Variants in IL1RAP observed in about 807,000 individuals in gnomAD.
IL1RAP encodes the protein interleukin-1 receptor accessory protein.
In IL1RAP, 35 loss-of-function variants were observed where a neutral mutation model predicts 60.7. The observed-to-expected ratio is 0.58, with a 90% CI of 0.44 to 0.76. The LOEUF (loss-of-function observed/expected upper bound fraction) is 0.76. IL1RAP is among the 30% of genes least tolerant of loss of function. IL1RAP has a pLI of 0.00. For synonymous variants in IL1RAP, 268 were observed against 250.9 expected (o/e 1.07, Z -0.64); for missense variants, 572 against 693.9 (o/e 0.82, Z 1.97).
exon 12 of IL1RAP, chr3:190,658,542 TAAG>T (rs1734686733): frequency 6.6e-6 from 1 of 152,084 alleles, no homozygotes; most frequent in Non-Finnish European, 1.5e-5. Context: ...TGTCAGAAAA[TAAG>T]AAGAACGAAG....
chr3:190,522,453 A>G (rs1560136085), intron 1 of IL1RAP, among the ~76,000 whole-genome samples: 1 of 148,344 alleles, frequency 6.7e-6, no homozygotes, highest in Admixed American at 6.7e-5. Context: ...CTATCTATCT[A>G]TCTATCTATC....
chr3:190,522,329 CCTTCCTTCCTT>C (rs57601056), intron 1 of IL1RAP, among the ~76,000 whole-genome samples: 65 of 144,898 alleles, frequency 4.5e-4, no homozygotes, highest in African/African-American at 1.7e-3. Flanking sequence ...TTCCTTCCTT[CCTTCCTTCCTT>C]CCTCCCTCCC....
intron 9 of IL1RAP, among the ~76,000 whole-genome samples, chr3:190,634,455 T>A (rs1287446663): frequency 1.3e-5 from 2 of 148,868 alleles, no homozygotes; most frequent in African/African-American, 4.9e-5. Context: ...TACCAGCGAA[T>A]TTTTTTTTTC....
At chr3:190,627,832 G>T (rs901566108) in intron 8 of IL1RAP, among the ~76,000 whole-genome samples, 1 of 152,120 alleles carries the variant, frequency 6.6e-6, no homozygotes, top group East Asian at 1.9e-4. Flanking sequence ...TTGTGGGTAC[G>T]TGGAAACCTA....
rs557799977 is a variant in IL1RAP at position 190,599,758 on chromosome 3, A to G, written c.65-4370A>G. ...AGAGTTCTCTTATTGAGTGATTGAG[A>G]TTCCTGAAGTGGGCTTCTAACTTTC... On this transcript the variant is annotated intron_variant, in intron 3 of 11. Transcript: ENST00000447382. Among the ~76,000 whole-genome samples, 8 of 144,526 alleles carry G rather than the reference A, an allele frequency of 5.5e-5. No individual in the cohort carries two copies. The East Asian group carries it at 1.6e-3, about 29-fold the overall frequency. 94.8% of individuals were successfully genotyped at this position (144,526 alleles called of 152,430 possible).
In IL1RAP at chr3:190,608,981, A is replaced by G; in HGVS notation, c.351-14A>G. The G allele has an allele frequency of 6.2e-7, 1 of 1,606,048 alleles. No homozygotes were observed. The highest frequency in any genetic ancestry group is 2.2e-5 in the East Asian group (1 of 44,716). On this transcript the variant is annotated splice_polypyrimidine_tract_variant and intron_variant, in intron 4 of 11. Transcript: ENST00000447382. The stretch of plus-strand genomic sequence containing the variant: ...TGCAAATACTACCCATTCATTGTAT[A>G]TTTCTTTTTTCAGGAACACTACATA...
downstream of IL1RAP, among the ~76,000 whole-genome samples, chr3:190,655,114 G>A (rs1436311467): frequency 2.0e-5 from 3 of 152,110 alleles, no homozygotes; most frequent in African/African-American, 4.8e-5. Context: ...TGAACTGTCC[G>A]ATGTTGTGTC....
At chr3:190,609,323 AG>A in intron 5 of IL1RAP, 142 bp downstream of exon 5, 27 of 558,562 alleles carry the variant, frequency 4.8e-5, no homozygotes, top group Admixed American at 1.9e-4. Flanking sequence ...GAAGTATTTC[AG>A]CACGTCCTCA....
downstream of IL1RAP, chr3:190,656,286 A>G: frequency 6.5e-7 from 1 of 1,537,294 alleles, no homozygotes; most frequent in Non-Finnish European, 8.7e-7. Flanking sequence ...AAGAGCCCCC[A>G]GAACTTCAGA....
chr3:190,530,048 G>A (rs988466563), intron 1 of IL1RAP, among the ~76,000 whole-genome samples: 1 of 151,882 alleles, frequency 6.6e-6, no homozygotes, highest in African/African-American at 2.4e-5. Context: ...AGGAATTCTA[G>A]GAAACATCAT....
intron 9 of IL1RAP, among the ~76,000 whole-genome samples, chr3:190,641,688 A>G (rs1201915127): frequency 6.6e-6 from 1 of 152,230 alleles, no homozygotes; most frequent in Non-Finnish European, 1.5e-5. Flanking sequence ...GGCATTTAAC[A>G]AAAATCCATT....
intron 5 of IL1RAP, among the ~76,000 whole-genome samples, chr3:190,618,042 C>T (rs573955875): frequency 6.6e-6 from 1 of 152,292 alleles, no homozygotes; most frequent in African/African-American, 2.4e-5. Flanking sequence ...CCTCAGTTTA[C>T]CACTGATTGC....
intron 1 of IL1RAP, among the ~76,000 whole-genome samples, chr3:190,527,543 TTGCATG>T (rs1722611809): frequency 6.6e-6 from 1 of 152,144 alleles, no homozygotes; most frequent in Non-Finnish European, 1.5e-5. Flanking sequence ...GAGGCAAAGG[TTGCATG>T]TGGAAGGCAG....
At chr3:190,577,055 C>A (rs59270266) in intron 3 of IL1RAP, among the ~76,000 whole-genome samples, 2,997 of 144,528 alleles carry the variant, frequency 0.021, 84 homozygotes, top group East Asian at 0.15. Context: ...GAGCCGAGAT[C>A]GCGCCACCGC....
chr3:190,587,284 A>G (rs972172720), intron 3 of IL1RAP, among the ~76,000 whole-genome samples: 1 of 152,220 alleles, frequency 6.6e-6, no homozygotes, highest in Non-Finnish European at 1.5e-5. Context: ...TTGTGTGGGT[A>G]TCTTTTAACT....
chr3:190,518,045 C>G lies in IL1RAP; in HGVS notation c.-89+3826C>G, dbSNP rs950192592. The G allele has an allele frequency of 4.0e-5, 6 of 148,928 alleles. No homozygotes were observed. In the South Asian group the frequency reaches 1.3e-3, roughly 32 times the overall value. The allele number at this position is 148,928 out of a possible 1,614,324, so 9.2% of individuals were successfully genotyped here. The stretch of plus-strand genomic sequence containing the variant: ...ACAGAACATTTGGTAAGTGATATTT[C>G]GGTGGATAAATTCAGGTTAGCCATT... On this transcript the variant is annotated intron_variant, in intron 1 of 11. Coordinates refer to ENST00000447382, the MANE Select transcript of IL1RAP (RefSeq NM_002182.4).
intron 6 of IL1RAP, among the ~76,000 whole-genome samples, chr3:190,622,773 G>A (rs777242657): frequency 1.3e-5 from 2 of 152,188 alleles, no homozygotes; most frequent in African/African-American, 2.4e-5. Context: ...GAAGCTCTCC[G>A]AACCTCATTG....
intron 1 of IL1RAP, among the ~76,000 whole-genome samples, chr3:190,526,127 G>C (rs1018840491): frequency 6.6e-6 from 1 of 152,276 alleles, no homozygotes; most frequent in South Asian, 2.1e-4. Flanking sequence ...TCTCATACAT[G>C]CCTCTTCATA....
rs557179342 is a variant in IL1RAP, at chr3:190,648,786, G to A, written c.*81G>A. 1.8e-4 allele frequency: 266 copies of A among 1,499,826 alleles called. 1 individual carries two copies. In the African/African-American group the frequency reaches 3.4e-3, roughly 19 times the overall value. The allele number at this position is 1,499,826 out of a possible 1,614,324, so 92.9% of individuals were successfully genotyped here. ...CCCCAGTCTTCATTCGCAGTTTATG[G>A]TTTCATAGGCAAAAATAATGGTCTA... is the stretch of plus-strand genomic sequence containing the variant. On this transcript the variant is annotated 3_prime_UTR_variant, in exon 12 of 12. Coordinates refer to ENST00000447382, the MANE Select transcript of IL1RAP (RefSeq NM_002182.4).
Sources: allele counts gnomAD v4.1 joint callset (sites outside exome capture counted in the v4.1 genomes callset), GRCh38; gene constraint gnomAD v4.1.1; transcripts MANE v1.5; gene names NCBI Gene and HGNC (gene_info 2026-07-23, HGNC 2026-07-21).